Variants in SEMA3A observed in about 807,000 individuals in gnomAD.
The protein encoded by SEMA3A is semaphorin 3A.
In SEMA3A, 29 loss-of-function variants were observed where a neutral mutation model predicts 97.9. The observed-to-expected ratio is 0.30, with a 90% CI of 0.22 to 0.40. The LOEUF (loss-of-function observed/expected upper bound fraction) is 0.40. Among genes scored for constraint, SEMA3A ranks in the 10% least tolerant of loss-of-function variants. SEMA3A has a pLI of 1.00. For missense variants in SEMA3A, 763 were observed against 951.3 expected (o/e 0.80, Z 2.60); for synonymous variants, 321 against 323.7 (o/e 0.99, Z 0.09).
At chr7:84,203,527 T>TATATATATATATATATATATATATA (rs1554345528) in intron 3 of SEMA3A, among the ~76,000 whole-genome samples, 1 of 29,646 alleles carries the variant, frequency 3.4e-5, no homozygotes, top group Non-Finnish European at 7.6e-5. Flanking sequence ...TATATATATA[T>TATATATATATATATATATATATATA]TTTTTTTTTT....
intron 3 of SEMA3A, among the ~76,000 whole-genome samples, chr7:84,123,825 ATG>A (rs1491285118): frequency 2.0e-4 from 30 of 149,144 alleles, no homozygotes; most frequent in African/African-American, 5.4e-4. Flanking sequence ...ATATATATAT[ATG>A]AGAGAGAGAG....
chr7:84,173,952 G>A (rs1416389776), intron 1 of SEMA3A, among the ~76,000 whole-genome samples: 1 of 152,188 alleles, frequency 6.6e-6, no homozygotes, highest in Non-Finnish European at 1.5e-5. Context: ...AATGCATGAT[G>A]ATCTGAGGTG....
intron 6 of SEMA3A, among the ~76,000 whole-genome samples, chr7:84,040,913 C>T (rs1792113789): frequency 6.6e-6 from 1 of 152,032 alleles, no homozygotes; most frequent in Admixed American, 6.6e-5. Flanking sequence ...AGCAGGATTA[C>T]CTTGAGAAAA....
At chr7:84,007,828 G>T (rs1039863986) in intron 9 of SEMA3A, among the ~76,000 whole-genome samples, 1 of 152,090 alleles carries the variant, frequency 6.6e-6, no homozygotes, top group Non-Finnish European at 1.5e-5. Context: ...TTTTAATATC[G>T]TGGGGAAATT....
intron 1 of SEMA3A, among the ~76,000 whole-genome samples, chr7:84,483,426 G>A (rs1165555042): frequency 6.6e-6 from 1 of 152,118 alleles, no homozygotes; most frequent in Non-Finnish European, 1.5e-5. Context: ...CACTGGGCAG[G>A]CCCCTTGCAA....
At chr7:84,027,408 T>A (rs1791586636) in intron 6 of SEMA3A, among the ~76,000 whole-genome samples, 1 of 152,218 alleles carries the variant, frequency 6.6e-6, no homozygotes, top group African/African-American at 2.4e-5. Context: ...TGGAAATTTA[T>A]CTTCTGCATT....
intron 1 of SEMA3A, among the ~76,000 whole-genome samples, chr7:84,138,757 T>A (rs528379603): frequency 4.3e-4 from 66 of 152,146 alleles, no homozygotes; most frequent in Non-Finnish European, 7.9e-4. Context: ...GAGATTTTTA[T>A]ATTGCTTTAT....
At chr7:84,351,292 G>T (rs1004605112) in intron 2 of SEMA3A, among the ~76,000 whole-genome samples, 2 of 151,946 alleles carry the variant, frequency 1.3e-5, no homozygotes, top group Admixed American at 6.6e-5. Flanking sequence ...TGGTTTGCTT[G>T]GTTTCCTCCA....
intron 3 of SEMA3A, among the ~76,000 whole-genome samples, chr7:84,115,360 ATTTGT>A (rs991748338): frequency 6.6e-6 from 1 of 152,076 alleles, no homozygotes; most frequent in Admixed American, 6.6e-5. Context: ...CAGATTGACT[ATTTGT>A]TTTGAAGTCC....
At chr7:84,069,220 A>T (rs1793653723) in intron 4 of SEMA3A, among the ~76,000 whole-genome samples, 1 of 152,120 alleles carries the variant, frequency 6.6e-6, no homozygotes, top group African/African-American at 2.4e-5. Flanking sequence ...ATCGGGCAGA[A>T]CTGGGTGTTA....
At chr7:84,337,930 T>C (rs1382652758) in intron 2 of SEMA3A, among the ~76,000 whole-genome samples, 1 of 152,028 alleles carries the variant, frequency 6.6e-6, no homozygotes, top group African/African-American at 2.4e-5. Flanking sequence ...ACATTACAAA[T>C]ACAAGTTGAA....
chr7:84,267,276 A>G (rs1800029993), intron 3 of SEMA3A, among the ~76,000 whole-genome samples: 1 of 152,134 alleles, frequency 6.6e-6, no homozygotes, highest in African/African-American at 2.4e-5. Flanking sequence ...GGAATACTCA[A>G]CCTGAATTAC....
chr7:84,011,963 G>A (rs563097991), intron 7 of SEMA3A, among the ~76,000 whole-genome samples: 1 of 152,252 alleles, frequency 6.6e-6, no homozygotes, highest in African/African-American at 2.4e-5. Context: ...GGGACATTAT[G>A]TTAACAGAAA....
intron 15 of SEMA3A, among the ~76,000 whole-genome samples, chr7:83,968,988 T>A (rs1788822832): frequency 6.6e-6 from 1 of 152,116 alleles, no homozygotes; most frequent in Non-Finnish European, 1.5e-5. Flanking sequence ...TTTTTATATT[T>A]TTAGTAGAGA....
At chr7:84,226,552 A>AT (rs1430792935) in intron 3 of SEMA3A, among the ~76,000 whole-genome samples, 1 of 152,094 alleles carries the variant, frequency 6.6e-6, no homozygotes, top group East Asian at 1.9e-4. Context: ...AAGAGGTTAA[A>AT]ATATATTATC....
chr7:84,286,481 G>A (rs1584202742), intron 3 of SEMA3A, among the ~76,000 whole-genome samples: 1 of 152,174 alleles, frequency 6.6e-6, no homozygotes, highest in Non-Finnish European at 1.5e-5. Context: ...TGAGTCTCTA[G>A]GAAAGAAAAC....
At chr7:84,062,066 G>A (rs571641679) in intron 4 of SEMA3A, among the ~76,000 whole-genome samples, 3 of 152,200 alleles carry the variant, frequency 2.0e-5, no homozygotes, top group East Asian at 3.9e-4. Context: ...AAGTTAATTT[G>A]GAGGGTTAAA....
intron 1 of SEMA3A, among the ~76,000 whole-genome samples, chr7:84,401,838 GTCA>G (rs1172043179): frequency 6.6e-6 from 1 of 152,096 alleles, no homozygotes; most frequent in Admixed American, 6.6e-5. Flanking sequence ...CCCTTTATCT[GTCA>G]TCATATAAAA....
intron 6 of SEMA3A, among the ~76,000 whole-genome samples, chr7:84,034,387 CATG>C (rs1258931681): frequency 2.6e-5 from 4 of 152,138 alleles, no homozygotes; most frequent in Admixed American, 1.3e-4. Context: ...AAATTTTTAA[CATG>C]ATAAAATTAA....
Sources: gnomAD v4.1 joint callset for allele counts (sites outside exome capture counted in the v4.1 genomes callset) on GRCh38, gnomAD v4.1.1 for gene constraint, MANE v1.5 for transcripts, NCBI Gene and HGNC (gene_info 2026-07-23, HGNC 2026-07-21) for gene names.